The following FAT3 variants were observed in gnomAD, a reference collection of about 807,000 sequenced individuals.
The protein encoded by FAT3 is FAT atypical cadherin 3.
Under a neutral mutation model 310.2 loss-of-function variants are expected in FAT3, and 95 were observed. That is an observed-to-expected ratio of 0.31 (90% CI 0.26 to 0.36). The LOEUF is 0.36. Among genes scored for constraint, FAT3 ranks in the 10% least tolerant of loss-of-function variants. The pLI is 1.00. For synonymous variants in FAT3, 2,314 were observed against 2,192.9 expected, an observed-to-expected ratio of 1.06 and a Z score of -1.54; for missense variants, 5,408 against 5,715.6, an observed-to-expected ratio of 0.95 and a Z score of 1.74.
intron 2 of FAT3, among the ~76,000 whole-genome samples, chr11:92,391,321 A>G (rs1223766521): frequency 6.6e-6 from 1 of 152,104 alleles, no homozygotes; most frequent in Non-Finnish European, 1.5e-5. Context: ...GCCAATAAGT[A>G]TAAGTCCCTG....
intron 22 of FAT3, among the ~76,000 whole-genome samples, chr11:92,879,966 A>G (rs1169741228): frequency 6.6e-6 from 1 of 152,036 alleles, no homozygotes; most frequent in Non-Finnish European, 1.5e-5. Context: ...GGTTTTTTTT[A>G]AAGGAGGGAA....
At chr11:92,479,818 G>T (rs1474699022) in intron 2 of FAT3, among the ~76,000 whole-genome samples, 1 of 152,138 alleles carries the variant, frequency 6.6e-6, no homozygotes, top group African/African-American at 2.4e-5. Context: ...ATATGGCCCT[G>T]TGTGGTATCC....
At position 92,797,874 on chromosome 11, in the gene FAT3, G is replaced by A. The variant is rs779098585; in HGVS notation, c.4861G>A (p.Gly1621Ser). 11 of 1,613,680 alleles carry A rather than the reference G, an allele frequency of 6.8e-6. No homozygotes were observed. Among genetic ancestry groups the A allele is most frequent in the African/African-American group, 1.3e-5 (1 of 74,892 alleles). ...CATGTTTAAGATCGAACCGGTCCTA[G>A]GCATCATCACCATTTGCAAAGAACC... ...GNMFKIEPVL[G>S]IITICKEPDM... The change falls in exon 10 of 28, where the codon GGC (glycine) becomes AGC (serine). Residue 1621 changes from glycine to serine, a missense_variant. Gly to Ser is a moderately conservative substitution (Grantham distance 56). Around this residue, in one of 5 missense-constraint regions of FAT3, gnomAD observed 4,588 missense variants for 4,809.8 expected, o/e 0.95. Coordinates refer to ENST00000525166, the MANE Select transcript of FAT3 (RefSeq NM_001367949.2).
intron 1 of FAT3, among the ~76,000 whole-genome samples, chr11:92,227,295 G>T (rs1360848905): frequency 6.6e-6 from 1 of 152,216 alleles, no homozygotes; most frequent in African/African-American, 2.4e-5. Flanking sequence ...AGGGGCGGGG[G>T]AGCAGGCCTA....
intron 2 of FAT3, among the ~76,000 whole-genome samples, chr11:92,404,908 C>T (rs1050567865): frequency 1.5e-4 from 23 of 152,062 alleles, no homozygotes; most frequent in Admixed American, 1.3e-3. Flanking sequence ...GGTTCTTGGG[C>T]CTTCAGACTC....
At position 92,355,318 on chromosome 11, in the gene FAT3, A is replaced by T. The variant is rs753512558; in HGVS notation, c.3206A>T (p.Asp1069Val). 6.2e-7 allele frequency: 1 copy of T among 1,613,822 alleles called. No homozygotes were observed. The highest frequency in any genetic ancestry group is 1.3e-5 in the African/African-American group (1 of 75,028). The change falls in exon 2 of 28, where the codon GAT becomes GTT. Residue 1069 changes from aspartate (D) to valine (V), a missense_variant. By Grantham distance (152) the Asp-to-Val change is radical (BLOSUM62 -3). Coordinates refer to ENST00000525166, the MANE Select transcript of FAT3 (RefSeq NM_001367949.2). ...GTSVLQVTAR[D>V]EDSGRDGEIQ... ...AGCGTGCTGCAGGTGACTGCTCGAG[A>T]TGAAGACTCCGGAAGGGATGGAGAG...
rs940920965 is a variant in FAT3 at position 92,571,031 on chromosome 11, G to A, written c.3607+46083G>A. On this transcript the variant is annotated intron_variant, in intron 3 of 27. Coordinates refer to ENST00000525166, the MANE Select transcript of FAT3 (RefSeq NM_001367949.2). ...TTATGATTATTCTGTACCAAAGACC[G>A]TGCTGGGTCCTAAGATTAAAAATCA... Among the ~76,000 whole-genome samples the A allele has an allele frequency of 1.2e-4, 18 of 152,264 alleles. No homozygotes were observed. In the East Asian group the frequency reaches 1.5e-3, roughly 13 times the overall value.
chr11:92,556,952 G>A (rs1319049175), intron 3 of FAT3, among the ~76,000 whole-genome samples: 1 of 152,020 alleles, frequency 6.6e-6, no homozygotes, highest in Non-Finnish European at 1.5e-5. Flanking sequence ...TCTAAACCTG[G>A]CTTAGAGTAG....
At chr11:92,707,874 A>G (rs1010624994) in intron 4 of FAT3, among the ~76,000 whole-genome samples, 7 of 152,236 alleles carry the variant, frequency 4.6e-5, no homozygotes, top group African/African-American at 1.7e-4. Context: ...AAAATTTAAA[A>G]TGTAATGACA....
At chr11:92,342,882 C>G (rs557654534) in intron 1 of FAT3, among the ~76,000 whole-genome samples, 75 of 151,684 alleles carry the variant, frequency 4.9e-4, no homozygotes, top group African/African-American at 1.8e-3. Context: ...CCTCTCCTTA[C>G]TTTTTTTTTC....
In FAT3 at chr11:92,801,632, C is replaced by T. The variant is rs1240618364; in HGVS notation, c.8619C>T (p.Gly2873=). ...CATTCAATATTGACAGCAACACGGG[C>T]TGGATCAGTACCTTGAAGGACCTAG... The part of the protein sequence containing the change: ...MEAFNIDSNT[G]WISTLKDLDH... Residue 2873 remains glycine (G), a synonymous_variant, in exon 10 of 28, where the codon GGC becomes GGT. Coordinates refer to ENST00000525166, the MANE Select transcript of FAT3 (RefSeq NM_001367949.2). 1 of 1,613,820 alleles carries T rather than the reference C, an allele frequency of 6.2e-7. No individual in the cohort carries two copies. The highest frequency in any genetic ancestry group is 1.7e-5 in the Admixed American group (1 of 60,006).
At chr11:92,761,610 A>G (rs1946152994) in intron 4 of FAT3, among the ~76,000 whole-genome samples, 1 of 152,156 alleles carries the variant, frequency 6.6e-6, no homozygotes, top group Admixed American at 6.6e-5. Context: ...CTGTCAGATC[A>G]GGACTCAATC....
At chr11:92,683,125 T>C (rs187297874) in intron 3 of FAT3, among the ~76,000 whole-genome samples, 5 of 151,536 alleles carry the variant, frequency 3.3e-5, no homozygotes, top group African/African-American at 1.2e-4. Flanking sequence ...TTCCTGCCTG[T>C]TTTATTGTGA....
At chr11:92,488,977 G>T (rs1565355812) in intron 2 of FAT3, among the ~76,000 whole-genome samples, 1 of 152,038 alleles carries the variant, frequency 6.6e-6, no homozygotes, top group Non-Finnish European at 1.5e-5. Flanking sequence ...TTAAAATTGG[G>T]TGATAGTAGT....
chr11:92,367,105 C>A, intron 2 of FAT3: 1 of 444,630 alleles, frequency 2.2e-6, no homozygotes, highest in Non-Finnish European at 4.5e-6. Flanking sequence ...AAATTCAGAG[C>A]CAGCGTCTCC....
At chr11:92,794,905 C>T (rs142742047) in intron 9 of FAT3, among the ~76,000 whole-genome samples, 299 of 152,350 alleles carry the variant, frequency 2.0e-3, no homozygotes, top group African/African-American at 6.7e-3. Context: ...GGGTGGGAGA[C>T]AGGCAGATCC....
At chr11:92,460,184 G>C (rs1008422782) in intron 2 of FAT3, among the ~76,000 whole-genome samples, 1 of 152,122 alleles carries the variant, frequency 6.6e-6, no homozygotes, top group Admixed American at 6.6e-5. Flanking sequence ...TCTTTCAGAG[G>C]GTAGAGAAAT....
chr11:92,650,594 T>C (rs1172977449), intron 3 of FAT3, among the ~76,000 whole-genome samples: 4 of 152,158 alleles, frequency 2.6e-5, no homozygotes, highest in Non-Finnish European at 5.9e-5. Flanking sequence ...TGCTTGCTGA[T>C]TTTTGTGGTG....
intron 4 of FAT3, among the ~76,000 whole-genome samples, chr11:92,745,967 A>G (rs1187554967): frequency 6.6e-6 from 1 of 152,182 alleles, no homozygotes; most frequent in African/African-American, 2.4e-5. Flanking sequence ...GTGCTTCCCA[A>G]TAATGCAATG....
Sources: allele counts gnomAD v4.1 joint callset (sites outside exome capture counted in the v4.1 genomes callset), GRCh38; gene constraint gnomAD v4.1.1; regional missense constraint gnomAD v4.1.1; transcripts MANE v1.5; gene names NCBI Gene and HGNC (gene_info 2026-07-23, HGNC 2026-07-21).